Variants in USP34 observed in about 807,000 individuals in gnomAD.
USP34 encodes the protein ubiquitin carboxyl-terminal hydrolase 34.
USP34 carries 70 observed loss-of-function variants against 460.3 expected under a neutral mutation model. The observed-to-expected ratio is 0.15, with a 90% CI of 0.13 to 0.19. The LOEUF (loss-of-function observed/expected upper bound fraction) is 0.19, where lower values mean the gene tolerates loss of function less well. Ranked by LOEUF, USP34 falls within the 10% of genes least tolerant of loss-of-function variation. USP34 has a pLI of 1.00. For missense variants in USP34, 3,985 were observed against 4,236.2 expected, an observed-to-expected ratio of 0.94 and a Z score of 1.65; for synonymous variants, 1,647 against 1,405.3, an observed-to-expected ratio of 1.17 and a Z score of -3.85.
intron 75 of USP34, among the ~76,000 whole-genome samples, chr2:61,194,642 G>C (rs945978893): frequency 6.6e-6 from 1 of 152,160 alleles, no homozygotes; most frequent in Non-Finnish European, 1.5e-5. Context: ...AAGACTGCAG[G>C]CTGGGACAAT....
At chr2:61,195,390 C>T (rs1056505922) in intron 75 of USP34, among the ~76,000 whole-genome samples, 1 of 146,628 alleles carries the variant, frequency 6.8e-6, no homozygotes, top group Non-Finnish European at 1.5e-5. Flanking sequence ...AAAAATCAGC[C>T]AGGCTGGGCA....
In USP34 at chr2:61,206,099, C is replaced by A; in HGVS notation, c.9072G>T (p.Trp3024Cys). 1.2e-6 allele frequency: 2 copies of A among 1,613,680 alleles called. No homozygotes were observed. The highest frequency in any genetic ancestry group is 1.7e-6 in the Non-Finnish European group (2 of 1,179,760). ...TATGGGCAAATTCAATTCGCTCCTG[C>A]CACTGGATTAATGCTTGTTTCACAT... ...RKDVKQALIQ[W>C]QERIEFAHKL... The change falls in exon 72 of 80, where the codon TGG (tryptophan) becomes TGT (cysteine). Residue 3024 changes from tryptophan to cysteine, a missense_variant. Transcript: ENST00000398571.
chr2:61,291,674 T>C (rs1689856606), intron 33 of USP34, among the ~76,000 whole-genome samples: 1 of 152,210 alleles, frequency 6.6e-6, no homozygotes, highest in Non-Finnish European at 1.5e-5. Flanking sequence ...CTCAAGATTC[T>C]TAGCATTGGG....
At chr2:61,288,939 A>G in intron 33 of USP34, 62 bp from the exon 34 acceptor site, 6 of 1,534,462 alleles carry the variant, frequency 3.9e-6, no homozygotes, top group South Asian at 3.4e-5. Context: ...CCACAATACA[A>G]TTTTGAAATT....
intron 1 of USP34, among the ~76,000 whole-genome samples, chr2:61,435,308 A>G (rs1037885277): frequency 1.8e-5 from 1 of 55,954 alleles, no homozygotes; most frequent in African/African-American, 8.4e-5. Context: ...ACCTTGTTTC[A>G]AAAAAAAAAA....
chr2:61,312,706 T>A (rs1690632091), intron 25 of USP34, among the ~76,000 whole-genome samples: 1 of 152,122 alleles, frequency 6.6e-6, no homozygotes, highest in Non-Finnish European at 1.5e-5. Context: ...TTAAGCCCAA[T>A]TAATAATTTG....
At chr2:61,285,504 A>G (rs988212485) in intron 34 of USP34, among the ~76,000 whole-genome samples, 27 of 143,652 alleles carry the variant, frequency 1.9e-4, no homozygotes, top group South Asian at 1.6e-3. Context: ...AAAAAAAAAA[A>G]GTAAGAAAAG....
intron 1 of USP34, among the ~76,000 whole-genome samples, chr2:61,460,104 G>C (rs1396437793): frequency 6.6e-6 from 1 of 151,984 alleles, no homozygotes; most frequent in African/African-American, 2.4e-5. Flanking sequence ...GGCTTTTTTT[G>C]AGCACCCACA....
chr2:61,328,508 G>GT (rs1419758443), intron 20 of USP34, among the ~76,000 whole-genome samples: 3 of 152,054 alleles, frequency 2.0e-5, no homozygotes, highest in Non-Finnish European at 4.4e-5. Flanking sequence ...ATGTACACTT[G>GT]TTTTACAGCC....
Position 61,243,578 on chromosome 2 carries a change from A to T in USP34, c.6627+1632T>A, listed in dbSNP as rs866462484. ...CCTTCATTTTTTTTTTTTTTTTTTT[A>T]AAAGGAAACATTCGGCTGAGTACGG... is the stretch of plus-strand genomic sequence containing the variant. On this transcript the variant is annotated intron_variant, in intron 51 of 79. Transcript: ENST00000398571. 5.2e-4 allele frequency among the ~76,000 whole-genome samples: 73 copies of T among 141,656 alleles called. 1 individual carries two copies. Among genetic ancestry groups the T allele is most frequent in the Admixed American group, 3.0e-3 (43 of 14,338 alleles). The allele number at this position is 141,656 out of a possible 152,430, so 92.9% of individuals were successfully genotyped here. A position where few individuals can be genotyped will look rare whatever the true frequency, so the allele number is the denominator to read the frequency against.
At chr2:61,328,482 G>A (rs984091001) in intron 20 of USP34, among the ~76,000 whole-genome samples, 1 of 152,048 alleles carries the variant, frequency 6.6e-6, no homozygotes, top group Non-Finnish European at 1.5e-5. Flanking sequence ...AAGTATGCAT[G>A]AACAAAGAGT....
intron 27 of USP34, among the ~76,000 whole-genome samples, chr2:61,303,585 G>A (rs992762407): frequency 6.6e-6 from 1 of 151,974 alleles, no homozygotes; most frequent in Non-Finnish European, 1.5e-5. Context: ...TGGATGGACA[G>A]AAATTCTGTA....
chr2:61,262,268 G>A (rs959568383), intron 43 of USP34, among the ~76,000 whole-genome samples: 1 of 151,214 alleles, frequency 6.6e-6, no homozygotes, highest in Non-Finnish European at 1.5e-5. Flanking sequence ...CGTAAGTTTG[G>A]TATATAGATT....
intron 10 of USP34, among the ~76,000 whole-genome samples, chr2:61,370,059 G>A (rs1692573056): frequency 1.3e-5 from 2 of 150,484 alleles, no homozygotes; most frequent in Admixed American, 6.6e-5. Flanking sequence ...AGGGTAGACT[G>A]TATAAATGAG....
chr2:61,283,473 C>A (rs752213935), intron 35 of USP34, 24 bp from the exon 36 acceptor site: 4 of 1,600,522 alleles, frequency 2.5e-6, no homozygotes, highest in African/African-American at 1.4e-5. Context: ...ACACCACCAC[C>A]ACCAATTAAA....
chr2:61,221,492 C>A lies in USP34; in HGVS notation c.7899+10G>T. 6.2e-7 allele frequency: 1 copy of A among 1,607,694 alleles called. No homozygotes were observed. The highest frequency in any genetic ancestry group is 8.5e-7 in the Non-Finnish European group (1 of 1,177,372). ...AAATAAACATTGAAAACACCTGCTG[C>A]AAGACTTACCTCCCATATCCTCTGC... On this transcript the variant is annotated intron_variant, in intron 66 of 79. Transcript: ENST00000398571.
intron 20 of USP34, 107 bp from the exon 21 acceptor site, chr2:61,325,564 C>T: frequency 6.7e-6 from 4 of 598,544 alleles, no homozygotes; most frequent in African/African-American, 3.9e-5. Flanking sequence ...TTTAATAATT[C>T]ATAATTATTT....
At chr2:61,255,246 C>G (rs1358643004) in intron 48 of USP34, among the ~76,000 whole-genome samples, 1 of 152,178 alleles carries the variant, frequency 6.6e-6, no homozygotes, top group Non-Finnish European at 1.5e-5. Flanking sequence ...CCAAAGATAA[C>G]AACAATACAC....
chr2:61,353,365 AGTCC>A (rs1420633239), intron 10 of USP34, among the ~76,000 whole-genome samples: 2 of 151,904 alleles, frequency 1.3e-5, no homozygotes, highest in Non-Finnish European at 2.9e-5. Context: ...ATATACCTGA[AGTCC>A]ACCTGTTGCA....
Sources: allele counts gnomAD v4.1 joint callset (sites outside exome capture counted in the v4.1 genomes callset), GRCh38; gene constraint gnomAD v4.1.1; transcripts MANE v1.5; gene names NCBI Gene and HGNC (gene_info 2026-07-23, HGNC 2026-07-21).